ARFGEF2: variants seen among roughly 807,000 people sequenced by gnomAD.
ARFGEF2 encodes the protein ARF guanine nucleotide exchange factor 2, also known as brefeldin A-inhibited guanine nucleotide-exchange protein 2.
In ARFGEF2, 74 loss-of-function variants were observed where a neutral mutation model predicts 219.9. That is an observed-to-expected ratio of 0.34 (90% CI 0.28 to 0.41). The LOEUF is 0.41. Ranked by LOEUF, ARFGEF2 falls within the 10% of genes least tolerant of loss-of-function variation. ARFGEF2 has a pLI of 1.00. For missense variants in ARFGEF2, 1,743 were observed against 2,218.3 expected, an observed-to-expected ratio of 0.79 and a Z score of 4.30; for synonymous variants, 733 against 799.2, an observed-to-expected ratio of 0.92 and a Z score of 1.40.
At chr20:48,987,360 T>C (rs1478155753) in intron 16 of ARFGEF2, among the ~76,000 whole-genome samples, 1 of 152,238 alleles carries the variant, frequency 6.6e-6, no homozygotes, top group African/African-American at 2.4e-5. Context: ...CAGCCTCATA[T>C]CGTATGAAGC....
At chr20:48,963,774 C>G (rs1224403076) in intron 6 of ARFGEF2, 56 bp from the exon 7 acceptor site, 10 of 1,556,618 alleles carry the variant, frequency 6.4e-6, no homozygotes, top group Non-Finnish European at 8.9e-6. Flanking sequence ...TCCTCTCTTC[C>G]TTTGTTTTTC....
At chr20:48,960,730 G>A (rs1373604438) in intron 6 of ARFGEF2, among the ~76,000 whole-genome samples, 7 of 150,972 alleles carry the variant, frequency 4.6e-5, no homozygotes, top group East Asian at 2.0e-4. Context: ...TGATCCACCC[G>A]CCTTGGCCTC....
chr20:48,984,204 A>C (rs781502090), intron 14 of ARFGEF2, among the ~76,000 whole-genome samples: 3 of 152,190 alleles, frequency 2.0e-5, no homozygotes, highest in Non-Finnish European at 4.4e-5. Flanking sequence ...CTGCTTCACC[A>C]TACTTAGCCA....
chr20:48,981,497 C>T (rs761048110), intron 14 of ARFGEF2, among the ~76,000 whole-genome samples: 5 of 152,054 alleles, frequency 3.3e-5, no homozygotes, highest in African/African-American at 4.8e-5. Flanking sequence ...TTGTGGTGTT[C>T]TCTGTATTTC....
Position 49,017,251 on chromosome 20 carries a change from A to G in ARFGEF2, c.4318A>G (p.Asn1440Asp). ...ATAGATACTGCTTTATTTTACAGAT[A>G]ATGAACAGTTGGCGCGATCAGGTAC... The part of the protein sequence containing the change: ...AQLQWCVKQD[N>D]EQLARSGTNC... Residue 1440 changes from asparagine to aspartate, a missense_variant and splice_region_variant, in exon 32 of 39, where the codon AAT becomes GAT. By Grantham distance (23) the Asn-to-Asp change is conservative (BLOSUM62 1). This residue lies in a region of ARFGEF2 where 578 missense variants were observed against 664.0 expected (regional missense o/e 0.87). Coordinates refer to ENST00000371917, the MANE Select transcript of ARFGEF2 (RefSeq NM_006420.3). The G allele has an allele frequency of 6.2e-7, 1 of 1,613,968 alleles. No individual in the cohort carries two copies. The highest frequency in any genetic ancestry group is 1.1e-5 in the South Asian group (1 of 91,080).
At chr20:48,968,366 A>T (rs896025106) in intron 8 of ARFGEF2, among the ~76,000 whole-genome samples, 1 of 151,606 alleles carries the variant, frequency 6.6e-6, no homozygotes, top group African/African-American at 2.4e-5. Context: ...TTTATTTCGT[A>T]ATACCTATAC....
At chr20:48,950,811 A>AAAATAT (rs1176537072) in intron 3 of ARFGEF2, among the ~76,000 whole-genome samples, 41 of 64,514 alleles carry the variant, frequency 6.4e-4, no homozygotes, top group Non-Finnish European at 8.6e-4. Context: ...AAAAAAAAAA[A>AAAATAT]ATATATATAT....
intron 16 of ARFGEF2, among the ~76,000 whole-genome samples, chr20:48,986,630 G>A (rs2091327948): frequency 6.6e-6 from 1 of 151,936 alleles, no homozygotes. Flanking sequence ...AAAAACTCAT[G>A]TTCTCTCCAC....
At chr20:48,974,375 G>A (rs1038768806) in intron 12 of ARFGEF2, among the ~76,000 whole-genome samples, 1 of 152,010 alleles carries the variant, frequency 6.6e-6, no homozygotes, top group Non-Finnish European at 1.5e-5. Flanking sequence ...GCCTCCCAGA[G>A]TGCTGGGATT....
At chr20:49,022,815 A>T (rs920693982) in intron 34 of ARFGEF2, among the ~76,000 whole-genome samples, 8 of 152,000 alleles carry the variant, frequency 5.3e-5, no homozygotes, top group African/African-American at 1.9e-4. Flanking sequence ...CTGTGCCACA[A>T]CATCAAGAAT....
chr20:48,931,713 A>C (rs1476345630), intron 1 of ARFGEF2, among the ~76,000 whole-genome samples: 1 of 152,122 alleles, frequency 6.6e-6, no homozygotes, highest in Non-Finnish European at 1.5e-5. Flanking sequence ...TAGCTCATGC[A>C]AAGGCCCCGG....
chr20:48,934,284 G>T (rs1296205936), intron 1 of ARFGEF2, among the ~76,000 whole-genome samples: 3 of 151,904 alleles, frequency 2.0e-5, no homozygotes, highest in Non-Finnish European at 4.4e-5. Context: ...TGCTATCTGT[G>T]AGGCACCCTG....
intron 36 of ARFGEF2, among the ~76,000 whole-genome samples, chr20:49,026,186 A>T (rs564944307): frequency 2.0e-5 from 3 of 152,032 alleles, no homozygotes; most frequent in African/African-American, 7.2e-5. Context: ...AAAAAAGTAT[A>T]TGAAAATTAG....
rs1053701176 is a variant in ARFGEF2 at position 48,921,802 on chromosome 20, C to G, written c.-88C>G. 3.3e-6 allele frequency: 4 copies of G among 1,219,904 alleles called. No homozygotes were observed. The African/African-American group carries it at 4.8e-5, about 15-fold the overall frequency. 75.6% of individuals were successfully genotyped at this position (1,219,904 alleles called of 1,614,324 possible). A position where few individuals can be genotyped will look rare whatever the true frequency, so the allele number is the denominator to read the frequency against. On this transcript the variant is annotated 5_prime_UTR_variant, in exon 1 of 39. Transcript: ENST00000371917. ...CGGCGCGGACGGACGCGGCCGGTGC[C>G]GGCCGGGACGCCGGGCCCGCAGCCT...
chr20:48,926,598 A>G (rs1015440276), intron 1 of ARFGEF2, among the ~76,000 whole-genome samples: 2 of 152,076 alleles, frequency 1.3e-5, no homozygotes, highest in African/African-American at 4.8e-5. Context: ...AGCTAGGACT[A>G]CAGGGGCGTA....
intron 25 of ARFGEF2, among the ~76,000 whole-genome samples, chr20:49,003,095 G>A (rs2091435267): frequency 6.7e-6 from 1 of 149,818 alleles, no homozygotes; most frequent in Non-Finnish European, 1.5e-5. Context: ...AGCCTCCCCA[G>A]TAGCTGGGAC....
At chr20:49,002,131 G>A (rs555076002) in intron 25 of ARFGEF2, among the ~76,000 whole-genome samples, 4 of 152,164 alleles carry the variant, frequency 2.6e-5, no homozygotes, top group Admixed American at 6.5e-5. Context: ...CCAGCTACAC[G>A]GGAGGCTGAG....
At chr20:48,962,991 T>G (rs1341183039) in intron 6 of ARFGEF2, among the ~76,000 whole-genome samples, 1 of 152,040 alleles carries the variant, frequency 6.6e-6, no homozygotes, top group Non-Finnish European at 1.5e-5. Flanking sequence ...GTAGATCACT[T>G]GAACTCAGGA....
intron 3 of ARFGEF2, among the ~76,000 whole-genome samples, chr20:48,949,377 C>A (rs2091050805): frequency 6.6e-6 from 1 of 152,178 alleles, no homozygotes; most frequent in African/African-American, 2.4e-5. Flanking sequence ...GATGTAAGAA[C>A]AAGCAATGTC....
Sources: gnomAD v4.1 joint callset for allele counts (sites outside exome capture counted in the v4.1 genomes callset) on GRCh38, gnomAD v4.1.1 for gene constraint, gnomAD v4.1.1 regional missense constraint, MANE v1.5 for transcripts, NCBI Gene and HGNC (gene_info 2026-07-23, HGNC 2026-07-21) for gene names.